The following UBTD1 variants were observed in gnomAD, a reference collection of about 807,000 sequenced individuals.
The protein encoded by UBTD1 is ubiquitin domain containing 1, also known as ubiquitin domain-containing protein 1.
A neutral mutation model predicts 21.7 loss-of-function variants in UBTD1; 19 were observed. The ratio of observed to expected loss-of-function variants is 0.87; its 90% CI spans 0.61 to 1.28. The LOEUF (loss-of-function observed/expected upper bound fraction) is 1.28. UBTD1 is among the 50% of genes most tolerant of loss of function. The pLI is 0.00. For missense variants in UBTD1, 282 were observed against 315.1 expected, an observed-to-expected ratio of 0.89 and a Z score of 0.80; for synonymous variants, 116 against 135.1, an observed-to-expected ratio of 0.86 and a Z score of 0.98.
At chr10:97,534,504 C>G (rs1050317932) in intron 1 of UBTD1, among the ~76,000 whole-genome samples, 1 of 151,940 alleles carries the variant, frequency 6.6e-6, no homozygotes, top group African/African-American at 2.4e-5. Flanking sequence ...TGCGTTTCCC[C>G]CTAAGTCTCA....
intron 1 of UBTD1, among the ~76,000 whole-genome samples, chr10:97,547,065 C>T (rs539589598): frequency 3.3e-4 from 50 of 152,336 alleles, no homozygotes; most frequent in Non-Finnish European, 7.2e-4. Context: ...CAGGACTCTG[C>T]CATACTCGGG....
At chr10:97,524,244 G>A (rs1354222740) in intron 1 of UBTD1, among the ~76,000 whole-genome samples, 3 of 151,862 alleles carry the variant, frequency 2.0e-5, no homozygotes, top group Admixed American at 1.3e-4. Flanking sequence ...ATAGGCATGC[G>A]CCACCATCCC....
chr10:97,509,580 C>G (rs2040413526), intron 1 of UBTD1, among the ~76,000 whole-genome samples: 1 of 152,200 alleles, frequency 6.6e-6, no homozygotes, highest in South Asian at 2.1e-4. Context: ...TGGTCACCTT[C>G]TGTTCTGGTC....
chr10:97,523,975 G>A (rs1274027960), intron 1 of UBTD1, among the ~76,000 whole-genome samples: 1 of 152,110 alleles, frequency 6.6e-6, no homozygotes. Flanking sequence ...GGGGAGACCC[G>A]TAAGAGGGGC....
At chr10:97,504,676 A>G (rs1468700768) in intron 1 of UBTD1, among the ~76,000 whole-genome samples, 1 of 152,248 alleles carries the variant, frequency 6.6e-6, no homozygotes, top group African/African-American at 2.4e-5. Context: ...TGTGATACCA[A>G]GAGCAGTGCC....
chr10:97,561,677 G>A (rs2135686903), intron 1 of UBTD1, among the ~76,000 whole-genome samples: 1 of 152,224 alleles, frequency 6.6e-6, no homozygotes, highest in African/African-American at 2.4e-5. Context: ...GGCCAGGCAG[G>A]CCCAGGTCTG....
intron 1 of UBTD1, among the ~76,000 whole-genome samples, chr10:97,513,154 G>A (rs768414336): frequency 5.9e-5 from 9 of 152,158 alleles, no homozygotes; most frequent in South Asian, 2.1e-4. Context: ...GCTGGTATCC[G>A]ATCCAGGAAA....
chr10:97,539,531 G>A (rs2040578001), intron 1 of UBTD1, among the ~76,000 whole-genome samples: 1 of 152,052 alleles, frequency 6.6e-6, no homozygotes, highest in Admixed American at 6.5e-5. Context: ...GGAGGTGGAG[G>A]CTGCAGTGAG....
intron 1 of UBTD1, among the ~76,000 whole-genome samples, chr10:97,542,848 C>T (rs991363461): frequency 6.6e-6 from 1 of 152,232 alleles, no homozygotes; most frequent in Non-Finnish European, 1.5e-5. Context: ...GCAGGCATAG[C>T]ACAGGCATAG....
At chr10:97,561,692 T>C (rs537468400) in intron 1 of UBTD1, among the ~76,000 whole-genome samples, 1 of 152,252 alleles carries the variant, frequency 6.6e-6, no homozygotes, top group East Asian at 1.9e-4. Flanking sequence ...GGTCTGGTTT[T>C]GGGCCTGGCG....
chr10:97,552,540 C>T (rs1051020352), intron 1 of UBTD1, among the ~76,000 whole-genome samples: 13 of 151,782 alleles, frequency 8.6e-5, no homozygotes, highest in African/African-American at 1.5e-4. Flanking sequence ...GGACTGCAGG[C>T]GCGCACCACC....
Position 97,570,826 on chromosome 10 carries a change from A to C in UBTD1, c.*303A>C. 1 of 368,826 alleles carries C rather than the reference A, an allele frequency of 2.7e-6. No homozygotes were observed. Among genetic ancestry groups the C allele is most frequent in the Non-Finnish European group, 5.0e-6 (1 of 199,220 alleles). The allele number at this position is 368,826 out of a possible 1,614,324, so 22.8% of individuals were successfully genotyped here. Reference sequence around the variant, plus strand: ...CAACCAGGAGGCCCCTGGAGCCCAGATCTGTCATCTGGTGCTGCCAGCTGT... The same window carrying C: ...CAACCAGGAGGCCCCTGGAGCCCAGCTCTGTCATCTGGTGCTGCCAGCTGT... On this transcript the variant is annotated 3_prime_UTR_variant, in exon 3 of 3. Coordinates refer to ENST00000370664, the MANE Select transcript of UBTD1 (RefSeq NM_024954.5). The surrounding 1 kb of genome is among the most constrained non-coding windows in gnomAD (Gnocchi z 6.6).
At chr10:97,502,322 T>C (rs1452283199) in intron 1 of UBTD1, among the ~76,000 whole-genome samples, 1 of 152,220 alleles carries the variant, frequency 6.6e-6, no homozygotes, top group East Asian at 1.9e-4. Flanking sequence ...GGAATCCTTC[T>C]TAACTCCACA....
chr10:97,560,874 T>C (rs762447332), intron 1 of UBTD1, among the ~76,000 whole-genome samples: 3 of 152,146 alleles, frequency 2.0e-5, no homozygotes, highest in Non-Finnish European at 4.4e-5. Context: ...CACACACTTT[T>C]GCAGTTTACA....
At chr10:97,519,066 C>G (rs1373160785) in intron 1 of UBTD1, among the ~76,000 whole-genome samples, 1 of 152,210 alleles carries the variant, frequency 6.6e-6, no homozygotes, top group Admixed American at 6.5e-5. Context: ...CTCCTAATCA[C>G]TAGAGGAGGA....
At chr10:97,529,327 C>T (rs2040514073) in intron 1 of UBTD1, among the ~76,000 whole-genome samples, 1 of 152,014 alleles carries the variant, frequency 6.6e-6, no homozygotes, top group African/African-American at 2.4e-5. Flanking sequence ...TGATGGGCGG[C>T]CAGGCAGAGA....
At chr10:97,543,482 T>C (rs2040595488) in intron 1 of UBTD1, among the ~76,000 whole-genome samples, 1 of 152,192 alleles carries the variant, frequency 6.6e-6, no homozygotes, top group East Asian at 1.9e-4. Context: ...GGACTCGGCA[T>C]GTTAGGCATT....
intron 1 of UBTD1, among the ~76,000 whole-genome samples, chr10:97,544,825 C>A (rs571437335): frequency 3.3e-5 from 5 of 151,958 alleles, no homozygotes; most frequent in Non-Finnish European, 7.4e-5. Flanking sequence ...ACCCTGTCTC[C>A]AAATAATAAA....
At chr10:97,559,861 T>C (rs1363424432) in intron 1 of UBTD1, among the ~76,000 whole-genome samples, 2 of 152,170 alleles carry the variant, frequency 1.3e-5, no homozygotes, top group Non-Finnish European at 2.9e-5. Flanking sequence ...TAAAACTTGC[T>C]TAAACTTTTA....
Sources: allele counts gnomAD v4.1 joint callset (sites outside exome capture counted in the v4.1 genomes callset), GRCh38; gene constraint gnomAD v4.1.1; non-coding constraint Gnocchi (gnomAD v3.1); transcripts MANE v1.5; gene names NCBI Gene and HGNC (gene_info 2026-07-23, HGNC 2026-07-21).